The following FAM117B variants were observed in gnomAD, a reference collection of about 807,000 sequenced individuals.
FAM117B encodes protein FAM117B.
Under a neutral mutation model 52.8 loss-of-function variants are expected in FAM117B, and 22 were observed. The observed-to-expected ratio is 0.42, with a 90% confidence interval of 0.30 to 0.59. FAM117B has a LOEUF of 0.59. Ranked by LOEUF, FAM117B falls within the 20% of genes least tolerant of loss-of-function variation. The pLI, the probability that FAM117B is intolerant of heterozygous loss-of-function variation, is 0.22. For missense variants in FAM117B, 678 were observed against 802.6 expected (o/e 0.84, Z 1.88); for synonymous variants, 309 against 324.1 (o/e 0.95, Z 0.50).
chr2:202,644,340 A>G (rs976468885), intron 1 of FAM117B, among the ~76,000 whole-genome samples: 8 of 152,008 alleles, frequency 5.3e-5, no homozygotes, highest in African/African-American at 1.9e-4. Flanking sequence ...TTTTCTATGT[A>G]CCTATCACAA....
intron 4 of FAM117B, among the ~76,000 whole-genome samples, chr2:202,750,388 C>T (rs538754625): frequency 1.3e-5 from 2 of 152,106 alleles, no homozygotes; most frequent in Non-Finnish European, 2.9e-5. Context: ...TGGCATGTGC[C>T]TGTAATCCCA....
chr2:202,696,529 AG>A, intron 2 of FAM117B, among the ~76,000 whole-genome samples: 1 of 152,228 alleles, frequency 6.6e-6, no homozygotes. Flanking sequence ...GTTTTGGACA[AG>A]CTTGGTTTAC....
At chr2:202,675,387 C>T (rs373685354) in intron 1 of FAM117B, among the ~76,000 whole-genome samples, 10 of 131,660 alleles carry the variant, frequency 7.6e-5, no homozygotes, top group Admixed American at 1.8e-4. Flanking sequence ...CAGAGATTGC[C>T]GTGAACCAAG....
rs12992620 is a variant in FAM117B, at chr2:202,669,751, G to A, written c.602-26130G>A. 3.4e-3 allele frequency among the ~76,000 whole-genome samples: 525 copies of A among 152,242 alleles called. 1 individual carries two copies. The highest frequency in any genetic ancestry group is 6.1e-3 in the Non-Finnish European group (418 of 68,024). On this transcript the variant is annotated intron_variant, in intron 1 of 7. Coordinates refer to ENST00000392238, the MANE Select transcript of FAM117B (RefSeq NM_173511.4). ...TGCTTTTTTTCCGCCTTATCCTTGAGTGCTTTATTGGGTCAAAGTTGAAGA... is the reference window on the plus strand; with the variant it reads ...TGCTTTTTTTCCGCCTTATCCTTGAATGCTTTATTGGGTCAAAGTTGAAGA...
chr2:202,637,623 A>T (rs903389625), intron 1 of FAM117B, among the ~76,000 whole-genome samples: 2 of 152,210 alleles, frequency 1.3e-5, no homozygotes, highest in Non-Finnish European at 2.9e-5. Context: ...TCCCTGCTTC[A>T]TAACCTCTGT....
intron 2 of FAM117B, among the ~76,000 whole-genome samples, chr2:202,702,429 A>G (rs919566922): frequency 3.3e-5 from 5 of 152,258 alleles, no homozygotes; most frequent in Admixed American, 2.0e-4. Flanking sequence ...TAAATAAAAA[A>G]GAAAGAAATT....
At chr2:202,640,822 G>GA (rs1689759787) in intron 1 of FAM117B, among the ~76,000 whole-genome samples, 2 of 152,000 alleles carry the variant, frequency 1.3e-5, no homozygotes, top group Non-Finnish European at 2.9e-5. Context: ...TGTTGCCCAG[G>GA]GTGCTCTCCA....
chr2:202,724,623 C>T (rs1404402571), intron 2 of FAM117B, among the ~76,000 whole-genome samples: 1 of 152,004 alleles, frequency 6.6e-6, no homozygotes, highest in Non-Finnish European at 1.5e-5. Context: ...TATGGTAACT[C>T]TAGTTATTAT....
chr2:202,655,728 G>GAGAGAC (rs1690044167), intron 1 of FAM117B, among the ~76,000 whole-genome samples: 1 of 145,946 alleles, frequency 6.9e-6, no homozygotes, highest in African/African-American at 2.6e-5. Context: ...GAGAGAGAGA[G>GAGAGAC]AGAGAGAGAG....
intron 1 of FAM117B, among the ~76,000 whole-genome samples, chr2:202,664,937 T>G (rs148696124): frequency 1.8e-3 from 269 of 152,286 alleles, no homozygotes; most frequent in African/African-American, 5.9e-3. Context: ...GGGAGGAGGC[T>G]CCACTGTGTT....
intron 1 of FAM117B, among the ~76,000 whole-genome samples, chr2:202,680,222 G>A (rs746762867): frequency 1.3e-5 from 2 of 152,004 alleles, no homozygotes; most frequent in East Asian, 1.9e-4. Flanking sequence ...TAACATGGGC[G>A]TGATTGTACT....
chr2:202,695,956 C>T lies in FAM117B; in HGVS notation c.677C>T (p.Ala226Val), dbSNP rs772577240. 4.8e-5 allele frequency: 77 copies of T among 1,614,132 alleles called. No homozygotes were observed. The African/African-American group carries it at 9.1e-4, about 19-fold the overall frequency. The change falls in exon 2 of 8, where the codon GCA becomes GTA. Residue 226 changes from alanine (A) to valine (V), a missense_variant. Ala to Val is a moderately conservative substitution (Grantham distance 64). Around this residue, in one of 3 missense-constraint regions of FAM117B, gnomAD observed 583 missense variants for 644.8 expected, o/e 0.90. Transcript: ENST00000392238. ...ACTTCCTCCCTGGATACTCTTGCTG[C>T]ACCGTATCTTGCTGGACACTGGCCT... The part of the protein sequence containing the change: ...RRTSSLDTLA[A>V]PYLAGHWPRD...
At position 202,635,115 on chromosome 2, in the gene FAM117B, G is replaced by A; in HGVS notation, c.-73G>A. 2.4e-6 allele frequency: 3 copies of A among 1,251,218 alleles called. No homozygotes were observed. The highest frequency in any genetic ancestry group is 2.0e-6 in the Non-Finnish European group (2 of 997,064). 77.5% of individuals were successfully genotyped at this position (1,251,218 alleles called of 1,614,324 possible). On this transcript the variant is annotated 5_prime_UTR_variant, in exon 1 of 8. Coordinates refer to ENST00000392238, the MANE Select transcript of FAM117B (RefSeq NM_173511.4). Reference sequence around the variant, plus strand: ...CTTGGGGGGCCTGCCCTCCGGCCTCGAGAATCCTCCCCCTGCAGCCCAACA... The same window carrying A: ...CTTGGGGGGCCTGCCCTCCGGCCTCAAGAATCCTCCCCCTGCAGCCCAACA...
Position 202,733,602 on chromosome 2 carries a change from G to A in FAM117B, c.960+7239G>A, listed in dbSNP as rs149428343. ...TCAGTGATATCTCTCCTACTTGCAC[G>A]TCCATTTATAGGCTCTCTGTAAGAA... On this transcript the variant is annotated intron_variant, in intron 4 of 7. Coordinates refer to ENST00000392238, the MANE Select transcript of FAM117B (RefSeq NM_173511.4). Among the ~76,000 whole-genome samples, 60 of 152,196 alleles carry A rather than the reference G, an allele frequency of 3.9e-4. No individual in the cohort carries two copies. The East Asian group carries it at 5.4e-3, about 14-fold the overall frequency.
intron 2 of FAM117B, among the ~76,000 whole-genome samples, chr2:202,698,017 A>G (rs72928934): frequency 0.23 from 34,382 of 151,806 alleles, 4,592 homozygotes; most frequent in Middle Eastern, 0.31. Context: ...TTACAGGCAC[A>G]TGTCACTACG....
intron 4 of FAM117B, among the ~76,000 whole-genome samples, chr2:202,754,438 A>G (rs1329418627): frequency 6.6e-6 from 1 of 152,182 alleles, no homozygotes; most frequent in Non-Finnish European, 1.5e-5. Flanking sequence ...ACTATGGCAC[A>G]CGTGTACCTT....
At chr2:202,744,264 C>A (rs1691595544) in intron 4 of FAM117B, among the ~76,000 whole-genome samples, 1 of 152,202 alleles carries the variant, frequency 6.6e-6, no homozygotes, top group South Asian at 2.1e-4. Flanking sequence ...CCTCAGACTG[C>A]ATCCACTCAT....
intron 4 of FAM117B, among the ~76,000 whole-genome samples, chr2:202,748,568 A>G (rs1401668914): frequency 6.6e-6 from 1 of 152,156 alleles, no homozygotes; most frequent in Admixed American, 6.5e-5. Context: ...GGAACTCAAT[A>G]GCAAAAAACA....
At chr2:202,719,551 T>C (rs1691116932) in intron 2 of FAM117B, among the ~76,000 whole-genome samples, 1 of 152,198 alleles carries the variant, frequency 6.6e-6, no homozygotes, top group Non-Finnish European at 1.5e-5. Flanking sequence ...CGTTAGTAAG[T>C]TGCAGACATT....
Sources: gnomAD v4.1 joint callset for allele counts (sites outside exome capture counted in the v4.1 genomes callset) on GRCh38, gnomAD v4.1.1 for gene constraint, gnomAD v4.1.1 regional missense constraint, MANE v1.5 for transcripts, NCBI Gene and HGNC (gene_info 2026-07-23, HGNC 2026-07-21) for gene names.